STX1A: variants seen among roughly 807,000 people sequenced by gnomAD.
STX1A encodes the protein syntaxin 1A.
Under a neutral mutation model 37.8 loss-of-function variants are expected in STX1A, and 4 were observed. The ratio of observed to expected loss-of-function variants is 0.11; its 90% CI spans 0.05 to 0.24. The LOEUF (loss-of-function observed/expected upper bound fraction) is 0.24. Ranked by LOEUF, STX1A falls within the 10% of genes least tolerant of loss-of-function variation. The pLI is 1.00. For missense variants in STX1A, 251 were observed against 399.9 expected, an observed-to-expected ratio of 0.63 and a Z score of 3.18; for synonymous variants, 135 against 147.4, an observed-to-expected ratio of 0.92 and a Z score of 0.61.
At position 73,700,214 on chromosome 7, in the gene STX1A, C is replaced by G; in HGVS notation, c.*193G>C. On this transcript the variant is annotated 3_prime_UTR_variant, in exon 10 of 10. Transcript: ENST00000222812. The surrounding 1 kb of genome is among the most constrained non-coding windows in gnomAD (Gnocchi z 4.4). ...CCCTCTGCCTCTTCCCGTACAGACGCACACTCACAGAGATCATGCACACGA... is the reference window on the plus strand; with the variant it reads ...CCCTCTGCCTCTTCCCGTACAGACGGACACTCACAGAGATCATGCACACGA... 6 of 627,708 alleles carry G rather than the reference C, an allele frequency of 9.6e-6. No homozygotes were observed. In the South Asian group the frequency reaches 1.1e-4, roughly 12 times the overall value. The allele number at this position is 627,708 out of a possible 1,614,324, so 38.9% of individuals were successfully genotyped here.
intron 7 of STX1A, 136 bp from the exon 8 acceptor site, chr7:73,703,118 C>A: frequency 1.4e-6 from 1 of 740,004 alleles, no homozygotes; most frequent in African/African-American, 1.8e-5. Context: ...CGCAGCCTTC[C>A]CCGCCTTGCT....
rs1429887332 is a variant in STX1A at position 73,706,288 on chromosome 7, G to A, written c.209-1064C>T. Among the ~76,000 whole-genome samples, 1 of 152,146 alleles carries A rather than the reference G, an allele frequency of 6.6e-6. No homozygotes were observed. Among genetic ancestry groups the A allele is most frequent in the African/African-American group, 2.4e-5 (1 of 41,422 alleles). On this transcript the variant is annotated intron_variant, in intron 3 of 9. Transcript: ENST00000222812. The surrounding 1 kb of genome is among the most constrained non-coding windows in gnomAD (Gnocchi z 4.6). ...GGGGTTCCGAGGCGCGGAGGAGGGCGCCTCATCCGTAGGAACAAAGGAAAA... is the reference window on the plus strand; with the variant it reads ...GGGGTTCCGAGGCGCGGAGGAGGGCACCTCATCCGTAGGAACAAAGGAAAA...
chr7:73,701,298 T>G, intron 8 of STX1A: 1 of 269,530 alleles, frequency 3.7e-6, no homozygotes, highest in Non-Finnish European at 7.0e-6. Context: ...TCTTCAGTCT[T>G]TAAGAACTTG....
intron 4 of STX1A, 107 bp from the exon 5 acceptor site, chr7:73,704,530 G>A (rs1483646379): frequency 4.3e-6 from 6 of 1,406,672 alleles, no homozygotes; most frequent in African/African-American, 2.8e-5. Context: ...GGGTATGTGT[G>A]TGGCCTGTGG....
chr7:73,713,872 T>C (rs1469857768), intron 1 of STX1A, among the ~76,000 whole-genome samples: 1 of 152,218 alleles, frequency 6.6e-6, no homozygotes, highest in African/African-American at 2.4e-5. Flanking sequence ...CCCTTCGCTG[T>C]GCAGGTGGCA....
chr7:73,707,968 G>A (rs1359950665), intron 3 of STX1A, among the ~76,000 whole-genome samples: 1 of 135,014 alleles, frequency 7.4e-6, no homozygotes, highest in East Asian at 2.3e-4. Context: ...AAAGAAAAAA[G>A]GAAAAAAGCC....
intron 1 of STX1A, among the ~76,000 whole-genome samples, chr7:73,716,250 C>G (rs1341081373): frequency 6.6e-6 from 1 of 152,262 alleles, no homozygotes; most frequent in Non-Finnish European, 1.5e-5. Flanking sequence ...ACTCTCGTGC[C>G]TGCCACTCTG....
chr7:73,701,141 C>T (rs573474189), intron 8 of STX1A: 140 of 595,938 alleles, frequency 2.3e-4, no homozygotes, highest in African/African-American at 2.2e-3. Context: ...TGTGGCAGTG[C>T]CAGGCAGAGG....
At position 73,717,415 on chromosome 7, in the gene STX1A, G is replaced by C. The variant is rs554749884; in HGVS notation, c.30+2187C>G. ...GGGCTTCAGGCCTCCTACAAATGTG[G>C]AGCTGGAGTCAGGAGACCTGTAGCC... On this transcript the variant is annotated intron_variant, in intron 1 of 9. Coordinates refer to ENST00000222812, the MANE Select transcript of STX1A (RefSeq NM_004603.4). The surrounding 1 kb of genome is among the most constrained non-coding windows in gnomAD (Gnocchi z 4.1). 6.6e-6 allele frequency among the ~76,000 whole-genome samples: 1 copy of C among 152,302 alleles called. No homozygotes were observed. The highest frequency in any genetic ancestry group is 2.1e-4 in the South Asian group (1 of 4,824).
chr7:73,705,258 T>G lies in STX1A; in HGVS notation c.209-34A>C. ...GTAGAAAGGGTGGGGGTAGGCCTCCTAGGCTCCGCGGGGACTGATGTGCAG... is the reference window on the plus strand; with the variant it reads ...GTAGAAAGGGTGGGGGTAGGCCTCCGAGGCTCCGCGGGGACTGATGTGCAG... On this transcript the variant is annotated intron_variant, in intron 3 of 9. Coordinates refer to ENST00000222812, the MANE Select transcript of STX1A (RefSeq NM_004603.4). This position sits in a 1 kb window ranked among gnomAD's most constrained non-coding sequence, Gnocchi z 5.2. 6.3e-7 allele frequency: 1 copy of G among 1,583,708 alleles called. No individual in the cohort carries two copies. Among genetic ancestry groups the G allele is most frequent in the East Asian group, 2.2e-5 (1 of 44,736 alleles).
Position 73,705,282 on chromosome 7 carries a change from A to G in STX1A, c.209-58T>C. ...CTAGGCTCCGCGGGGACTGATGTGC[A>G]GGCTCAGCCTCCAGCCCAGGGGGCC... On this transcript the variant is annotated intron_variant, in intron 3 of 9. Coordinates refer to ENST00000222812, the MANE Select transcript of STX1A (RefSeq NM_004603.4). The surrounding 1 kb of genome is among the most constrained non-coding windows in gnomAD (Gnocchi z 5.2). 6.9e-7 allele frequency: 1 copy of G among 1,442,494 alleles called. No individual in the cohort carries two copies. The highest frequency in any genetic ancestry group is 9.7e-7 in the Non-Finnish European group (1 of 1,025,992). 89.4% of individuals were successfully genotyped at this position (1,442,494 alleles called of 1,614,324 possible). A position where few individuals can be genotyped will look rare whatever the true frequency, so the allele number is the denominator to read the frequency against.
Position 73,709,096 on chromosome 7 carries a change from A to G in STX1A, c.57T>C (p.Asp19=), listed in dbSNP as rs1490249013. 2 of 1,610,430 alleles carry G rather than the reference A, an allele frequency of 1.2e-6. No individual in the cohort carries two copies. Among genetic ancestry groups the G allele is most frequent in the African/African-American group, 1.3e-5 (1 of 74,842 alleles). The change falls in exon 2 of 10, where the codon GAT becomes GAC. Residue 19 remains aspartate, a synonymous_variant. Coordinates refer to ENST00000222812, the MANE Select transcript of STX1A (RefSeq NM_004603.4). The surrounding 1 kb of genome is among the most constrained non-coding windows in gnomAD (Gnocchi z 4.2). The part of the protein sequence containing the change: ...RTAKDSDDDD[D]VAVTVDRDRF... Reference sequence around the variant, plus strand: ...GGTCTCGGTCCACGGTGACAGCGACATCATCATCATCATCGCTGTCCTTGG... The same window carrying G: ...GGTCTCGGTCCACGGTGACAGCGACGTCATCATCATCATCGCTGTCCTTGG...
At chr7:73,710,279 T>C (rs1247752496) in intron 1 of STX1A, among the ~76,000 whole-genome samples, 1 of 152,274 alleles carries the variant, frequency 6.6e-6, no homozygotes, top group African/African-American at 2.4e-5. Context: ...GTCTGCCTCA[T>C]ACCGCCAGTT....
rs1441899872 is a variant in STX1A at position 73,700,496 on chromosome 7, G to A, written c.790-12C>T. 1 of 1,613,764 alleles carries A rather than the reference G, an allele frequency of 6.2e-7. No homozygotes were observed. Among genetic ancestry groups the A allele is most frequent in the Non-Finnish European group, 8.5e-7 (1 of 1,179,866 alleles). ...ATCATGATTTTCTTCTGCATGGGAA[G>A]CGGGCAGGAGAGGCCTCAGACAGTG... On this transcript the variant is annotated splice_polypyrimidine_tract_variant and intron_variant, in intron 9 of 9. Transcript: ENST00000222812. This position sits in a 1 kb window ranked among gnomAD's most constrained non-coding sequence, Gnocchi z 4.4.
At chr7:73,714,782 A>C (rs1423927967) in intron 1 of STX1A, among the ~76,000 whole-genome samples, 1 of 151,046 alleles carries the variant, frequency 6.6e-6, no homozygotes, top group African/African-American at 2.4e-5. Context: ...GGTTAAAAAA[A>C]AAAAACAAAA....
At position 73,709,257 on chromosome 7, in the gene STX1A, G is replaced by C. The variant is rs1191290329; in HGVS notation, c.31-135C>G. On this transcript the variant is annotated intron_variant, in intron 1 of 9. Coordinates refer to ENST00000222812, the MANE Select transcript of STX1A (RefSeq NM_004603.4). The surrounding 1 kb of genome is among the most constrained non-coding windows in gnomAD (Gnocchi z 4.2). Reference sequence around the variant, plus strand: ...GGCCTCTGGGCAGGGACAAGAACAGGCCTGGCTGTTCCGCTCCCAGCCACA... The same window carrying C: ...GGCCTCTGGGCAGGGACAAGAACAGCCCTGGCTGTTCCGCTCCCAGCCACA... 1.2e-6 allele frequency: 1 copy of C among 811,746 alleles called. No homozygotes were observed. Among genetic ancestry groups the C allele is most frequent in the East Asian group, 2.6e-5 (1 of 37,770 alleles). The allele number at this position is 811,746 out of a possible 1,614,324, so 50.3% of individuals were successfully genotyped here.
chr7:73,714,725 C>T (rs993958843), intron 1 of STX1A, among the ~76,000 whole-genome samples: 6 of 151,230 alleles, frequency 4.0e-5, no homozygotes, highest in Non-Finnish European at 8.8e-5. Context: ...TTTTGTTCTG[C>T]ATTCAGCAGT....
At chr7:73,714,750 G>A (rs1200905000) in intron 1 of STX1A, among the ~76,000 whole-genome samples, 6 of 144,514 alleles carry the variant, frequency 4.2e-5, no homozygotes, top group Middle Eastern at 3.5e-3. Flanking sequence ...AAAGCTGGGC[G>A]AGCACCAGAA....
intron 7 of STX1A, 48 bp from the exon 8 acceptor site, chr7:73,703,030 A>G: frequency 4.7e-6 from 3 of 635,114 alleles, no homozygotes; most frequent in Admixed American, 3.7e-5. Flanking sequence ...GCTGAGGGGC[A>G]GGGCAGAGGG....
Sources: gnomAD v4.1 joint callset for allele counts (sites outside exome capture counted in the v4.1 genomes callset) on GRCh38, gnomAD v4.1.1 for gene constraint, Gnocchi (gnomAD v3.1) non-coding constraint, MANE v1.5 for transcripts, NCBI Gene and HGNC (gene_info 2026-07-23, HGNC 2026-07-21) for gene names.